VWC2: variants seen among roughly 807,000 people sequenced by gnomAD.
VWC2 encodes von Willebrand factor C domain containing 2.
In VWC2, 14 loss-of-function variants were observed where a neutral mutation model predicts 29.8. The ratio of observed to expected loss-of-function variants is 0.47; its 90% CI spans 0.31 to 0.74. The LOEUF (loss-of-function observed/expected upper bound fraction) is 0.74, where lower values mean the gene tolerates loss of function less well. Among genes scored for constraint, VWC2 ranks in the 30% least tolerant of loss-of-function variants. The pLI, the probability that VWC2 is intolerant of heterozygous loss-of-function variation, is 0.05. For missense variants in VWC2, 457 were observed against 459.8 expected (o/e 0.99, Z 0.05); for synonymous variants, 213 against 199.0 (o/e 1.07, Z -0.59).
rs1368031848 is a variant in VWC2 at position 49,915,890 on chromosome 7, T to C, written c.*3705T>C. On this transcript the variant is annotated 3_prime_UTR_variant, in exon 4 of 4. Coordinates refer to ENST00000340652, the MANE Select transcript of VWC2 (RefSeq NM_198570.5). ...ATGCTTCTTTGGCCAACATAATTTG[T>C]AACTGTCTTACTGAACCTACTTACC... is the stretch of plus-strand genomic sequence containing the variant. 1 of 152,234 alleles carries C rather than the reference T, an allele frequency of 6.6e-6. No individual in the cohort carries two copies. Among genetic ancestry groups the C allele is most frequent in the Non-Finnish European group, 1.5e-5 (1 of 68,032 alleles). The allele number at this position is 152,234 out of a possible 1,614,324, so 9.4% of individuals were successfully genotyped here.
At chr7:49,815,879 C>T (rs552861398) in intron 3 of VWC2, among the ~76,000 whole-genome samples, 7 of 152,182 alleles carry the variant, frequency 4.6e-5, no homozygotes, top group East Asian at 1.9e-4. Context: ...CTTTGCTGTA[C>T]GCCACAAAAG....
intron 3 of VWC2, among the ~76,000 whole-genome samples, chr7:49,891,217 G>A (rs1792114135): frequency 6.6e-6 from 1 of 152,152 alleles, no homozygotes; most frequent in South Asian, 2.1e-4. Flanking sequence ...TAGCAGAACA[G>A]ACAAAGTAGA....
At chr7:49,797,684 C>G (rs963613330) in intron 2 of VWC2, among the ~76,000 whole-genome samples, 1 of 152,178 alleles carries the variant, frequency 6.6e-6, no homozygotes, top group African/African-American at 2.4e-5. Context: ...GTATTCATCT[C>G]TCTAGCCTCA....
intron 3 of VWC2, among the ~76,000 whole-genome samples, chr7:49,847,830 G>A (rs920858271): frequency 3.3e-5 from 5 of 152,168 alleles, no homozygotes; most frequent in African/African-American, 1.2e-4. Flanking sequence ...GGCTCTCAGT[G>A]TGAAAGCCCG....
chr7:49,796,916 G>T (rs1346638506), intron 2 of VWC2, among the ~76,000 whole-genome samples: 2 of 152,146 alleles, frequency 1.3e-5, no homozygotes, highest in Admixed American at 1.3e-4. Context: ...TTTAGTTTAT[G>T]TATGCCACTT....
intron 3 of VWC2, among the ~76,000 whole-genome samples, chr7:49,905,373 G>C (rs1793030490): frequency 6.6e-6 from 1 of 152,178 alleles, no homozygotes; most frequent in Admixed American, 6.5e-5. Flanking sequence ...CGCTGTGAAA[G>C]AACCAGTACA....
intron 3 of VWC2, among the ~76,000 whole-genome samples, chr7:49,841,451 A>C (rs1789791125): frequency 6.6e-6 from 1 of 152,232 alleles, no homozygotes; most frequent in Admixed American, 6.5e-5. Context: ...GTAGGGATTC[A>C]GTGTTTTAAG....
At chr7:49,789,641 C>T (rs1788418499) in intron 2 of VWC2, among the ~76,000 whole-genome samples, 1 of 152,076 alleles carries the variant, frequency 6.6e-6, no homozygotes, top group South Asian at 2.1e-4. Flanking sequence ...CCAAGGATTA[C>T]TTAGCTGTAA....
chr7:49,802,573 G>A (rs1788766167), intron 2 of VWC2, 138 bp from the exon 3 acceptor site: 3 of 1,170,972 alleles, frequency 2.6e-6, no homozygotes, highest in East Asian at 2.4e-5. Flanking sequence ...GGGAAACAGA[G>A]GTTGCGGTGA....
In VWC2 at chr7:49,918,863, C is replaced by T. The variant is rs1460778243; in HGVS notation, c.*6678C>T. 2 of 151,940 alleles carry T rather than the reference C, an allele frequency of 1.3e-5. No individual in the cohort carries two copies. Among genetic ancestry groups the T allele is most frequent in the Non-Finnish European group, 2.9e-5 (2 of 68,036 alleles). 9.4% of individuals were successfully genotyped at this position (151,940 alleles called of 1,614,324 possible). A position where few individuals can be genotyped will look rare whatever the true frequency, so the allele number is the denominator to read the frequency against. On this transcript the variant is annotated 3_prime_UTR_variant, in exon 4 of 4. Coordinates refer to ENST00000340652, the MANE Select transcript of VWC2 (RefSeq NM_198570.5). ...GGCAGGTGGATCAGGAGTTTGAGGC[C>T]AACCTGACCAACATGTGAAACCCCA... is the stretch of plus-strand genomic sequence containing the variant.
At chr7:49,892,132 C>T (rs958866930) in intron 3 of VWC2, among the ~76,000 whole-genome samples, 16 of 147,060 alleles carry the variant, frequency 1.1e-4, no homozygotes, top group Non-Finnish European at 2.1e-4. Flanking sequence ...GCAAGCTCCG[C>T]CTCCCGGGTT....
chr7:49,813,938 C>G (rs940865074), intron 3 of VWC2, among the ~76,000 whole-genome samples: 1 of 152,054 alleles, frequency 6.6e-6, no homozygotes, highest in Non-Finnish European at 1.5e-5. Context: ...GGTGCTGAAG[C>G]CTGGAGGAAA....
intron 3 of VWC2, among the ~76,000 whole-genome samples, chr7:49,845,673 G>A (rs1382047572): frequency 6.6e-6 from 1 of 151,928 alleles, no homozygotes; most frequent in Non-Finnish European, 1.5e-5. Flanking sequence ...TGATACTTCA[G>A]AAGCAAATTA....
At position 49,835,925 on chromosome 7, in the gene VWC2, TAAATTTCTTATAAAAACA is replaced by T. The variant is rs576355229; in HGVS notation, c.826+33088_826+33105del. Among the ~76,000 whole-genome samples, 838 of 152,334 alleles carry T rather than the reference TAAATTTCTTATAAAAACA, an allele frequency of 5.5e-3. 10 individuals carry two copies. Among genetic ancestry groups the T allele is most frequent in the South Asian group, 0.025 (121 of 4,832 alleles). On this transcript the variant is annotated intron_variant, in intron 3 of 3. Coordinates refer to ENST00000340652, the MANE Select transcript of VWC2 (RefSeq NM_198570.5). ...AAACAAAAAGTCATGGTATCACGAC[TAAATTTCTTATAAAAACA>T]AACAATGATAAATTAAATTGCTTTA... is the stretch of plus-strand genomic sequence containing the variant.
chr7:49,796,334 C>A (rs754275638), intron 2 of VWC2, among the ~76,000 whole-genome samples: 10 of 152,146 alleles, frequency 6.6e-5, no homozygotes, highest in Non-Finnish European at 1.3e-4. Context: ...CATGAGTGGG[C>A]ATGTGCATTC....
chr7:49,813,289 C>A (rs1789055886), intron 3 of VWC2, among the ~76,000 whole-genome samples: 1 of 152,232 alleles, frequency 6.6e-6, no homozygotes, highest in African/African-American at 2.4e-5. Context: ...CACTCACCTG[C>A]TTTTTAGGAC....
chr7:49,804,484 T>G (rs1279358068), intron 3 of VWC2, among the ~76,000 whole-genome samples: 2 of 152,206 alleles, frequency 1.3e-5, no homozygotes, highest in Non-Finnish European at 2.9e-5. Flanking sequence ...GTGAATGGCT[T>G]AAATATGGGT....
chr7:49,811,983 C>G (rs1159745921), intron 3 of VWC2, among the ~76,000 whole-genome samples: 2 of 152,146 alleles, frequency 1.3e-5, no homozygotes, highest in Non-Finnish European at 2.9e-5. Flanking sequence ...GTACTGAATA[C>G]TGTTTATCAG....
intron 3 of VWC2, among the ~76,000 whole-genome samples, chr7:49,810,324 G>A (rs1788978975): frequency 6.6e-6 from 1 of 151,862 alleles, no homozygotes; most frequent in Non-Finnish European, 1.5e-5. Flanking sequence ...TAGATACTTA[G>A]AAACACATGT....
Sources: gnomAD v4.1 joint callset for allele counts (sites outside exome capture counted in the v4.1 genomes callset) on GRCh38, gnomAD v4.1.1 for gene constraint, MANE v1.5 for transcripts, NCBI Gene and HGNC (gene_info 2026-07-23, HGNC 2026-07-21) for gene names.